The following SLC5A10 variants were observed in gnomAD, a reference collection of about 807,000 sequenced individuals.
SLC5A10 encodes the protein sodium/mannose cotransporter SLC5A10.
A neutral mutation model predicts 68.9 loss-of-function variants in SLC5A10; 55 were observed. That is an observed-to-expected ratio of 0.80 (90% CI 0.64 to 1.00). The LOEUF is 1.00. Ranked by LOEUF, SLC5A10 falls within the 50% of genes least tolerant of loss-of-function variation. The probability of loss-of-function intolerance (pLI) is 0.00; values close to 1 mark genes in which losing one functional copy is unlikely to be tolerated. For missense variants in SLC5A10, 732 were observed against 819.3 expected (o/e 0.89, Z 1.30); for synonymous variants, 344 against 344.8 (o/e 1.00, Z 0.02).
At chr17:18,994,453 ACTC>A (rs766205834) in intron 9 of SLC5A10, among the ~76,000 whole-genome samples, 5 of 151,760 alleles carry the variant, frequency 3.3e-5, no homozygotes, top group Non-Finnish European at 7.4e-5. Flanking sequence ...CACAGAGTGA[ACTC>A]CAGAGACCTG....
In SLC5A10 at chr17:19,018,445, CAGTCCG is replaced by C. The variant is rs2044185012; in HGVS notation, c.1242-974_1242-969del. ...ATGTTTCCTCTGAGCTGCTCCAGCC[CAGTCCG>C]AGTGTAGGTAAGAGGCTCATCTGTT... On this transcript the variant is annotated intron_variant, in intron 11 of 14. Coordinates refer to ENST00000395645, the MANE Select transcript of SLC5A10 (RefSeq NM_001042450.4). This position sits in a 1 kb window ranked among gnomAD's most constrained non-coding sequence, Gnocchi z 4.2. The C allele has an allele frequency of 6.6e-6, 1 of 152,258 alleles. No individual in the cohort carries two copies. Among genetic ancestry groups the C allele is most frequent in the African/African-American group, 2.4e-5 (1 of 41,452 alleles). 9.4% of individuals were successfully genotyped at this position (152,258 alleles called of 1,614,324 possible).
intron 5 of SLC5A10, among the ~76,000 whole-genome samples, chr17:18,966,962 C>T (rs190938789): frequency 3.7e-4 from 56 of 152,208 alleles, no homozygotes; most frequent in African/African-American, 1.3e-3. Flanking sequence ...ATCAGGGGCA[C>T]TGAGGTTCAG....
intron 5 of SLC5A10, among the ~76,000 whole-genome samples, chr17:18,967,480 C>T (rs1288006280): frequency 3.3e-5 from 5 of 152,136 alleles, no homozygotes; most frequent in Admixed American, 1.3e-4. Flanking sequence ...TCTGGTGAGC[C>T]GGTGAGCAAA....
In SLC5A10 at chr17:19,004,131, G is replaced by A; in HGVS notation, c.983-9279G>A. The A allele has an allele frequency of 4.6e-6, 6 of 1,310,514 alleles. No individual in the cohort carries two copies. In the South Asian group the frequency reaches 7.2e-5, roughly 16 times the overall value. 81.2% of individuals were successfully genotyped at this position (1,310,514 alleles called of 1,614,324 possible). On this transcript the variant is annotated intron_variant, in intron 9 of 14. Transcript: ENST00000395645. This position sits in a 1 kb window ranked among gnomAD's most constrained non-coding sequence, Gnocchi z 5.4. The stretch of plus-strand genomic sequence containing the variant: ...CCAGCTGGGGCACCGCGCGCTCGGG[G>A]GCCTCTCCGCGGCCTCTGCTTCTCT...
intron 9 of SLC5A10, among the ~76,000 whole-genome samples, chr17:19,008,926 C>T (rs1234381640): frequency 4.0e-5 from 6 of 151,866 alleles, no homozygotes; most frequent in Non-Finnish European, 8.8e-5. Context: ...ATTCTCGTGC[C>T]GTAGCCTCCC....
intron 4 of SLC5A10, among the ~76,000 whole-genome samples, chr17:18,960,198 C>T (rs886411447): frequency 6.6e-6 from 1 of 152,216 alleles, no homozygotes; most frequent in African/African-American, 2.4e-5. Context: ...AGCCACCTCC[C>T]TCATCCAGCC....
chr17:18,971,604 G>A lies in SLC5A10; in HGVS notation c.846+386G>A. ...ACCTGACCTCCCTTGGCCTGCCAGT[G>A]GTGGGGGCCAGCCATGGCTGGGCCA... On this transcript the variant is annotated intron_variant, in intron 8 of 14. Coordinates refer to ENST00000395645, the MANE Select transcript of SLC5A10 (RefSeq NM_001042450.4). This position sits in a 1 kb window ranked among gnomAD's most constrained non-coding sequence, Gnocchi z 5.5. 6.2e-7 allele frequency: 1 copy of A among 1,613,622 alleles called. No individual in the cohort carries two copies. The highest frequency in any genetic ancestry group is 8.5e-7 in the Non-Finnish European group (1 of 1,180,018).
At chr17:18,979,315 A>T (rs1420049573) in intron 9 of SLC5A10, 1 of 580,034 alleles carries the variant, frequency 1.7e-6, no homozygotes, top group Non-Finnish European at 3.0e-6. Context: ...GCCTGGCCAC[A>T]CCCCACCTCC....
At position 18,976,997 on chromosome 17, in the gene SLC5A10, G is replaced by A. The variant is rs746598709; in HGVS notation, c.982+8G>A. The A allele has an allele frequency of 2.9e-5, 47 of 1,610,982 alleles. No individual in the cohort carries two copies. The highest frequency in any genetic ancestry group is 3.3e-5 in the Non-Finnish European group (39 of 1,179,876). ...GCCGCGCATTGTTCCCAGGTAGGAC[G>A]GGCTCCGGGCACTGAACCCAGGCTG... On this transcript the variant is annotated splice_region_variant and intron_variant, in intron 9 of 14. Coordinates refer to ENST00000395645, the MANE Select transcript of SLC5A10 (RefSeq NM_001042450.4).
At chr17:18,957,091 G>A (rs556697010) in intron 1 of SLC5A10, among the ~76,000 whole-genome samples, 1 of 152,172 alleles carries the variant, frequency 6.6e-6, no homozygotes, top group Non-Finnish European at 1.5e-5. Context: ...GAAGGTTGCC[G>A]TGAGCCAAGA....
chr17:18,977,192 C>A, intron 9 of SLC5A10: 1 of 685,798 alleles, frequency 1.5e-6, no homozygotes, highest in Non-Finnish European at 2.4e-6. Context: ...ACAGGTATCA[C>A]TTACTGCTGT....
rs554311058 is a variant in SLC5A10 at position 19,015,092 on chromosome 17, G to A, written c.1134G>A (p.Met378Ile). 2 of 1,613,680 alleles carry A rather than the reference G, an allele frequency of 1.2e-6. No homozygotes were observed. The highest frequency in any genetic ancestry group is 2.7e-5 in the African/African-American group (2 of 74,992). ...LMIAVMLAAL[M>I]SSLTSIFNSS... ...TCGCAGTGATGCTGGCGGCGCTCAT[G>A]TCGTCGCTGACCTCCATCTTCAACA... Residue 378 changes from methionine to isoleucine, a missense_variant, in exon 11 of 15, where the codon ATG becomes ATA. Physicochemically the swap from Met to Ile is conservative, Grantham distance 10. Transcript: ENST00000395645.
intron 1 of SLC5A10, 122 bp downstream of exon 1, chr17:18,952,438 C>T: frequency 6.6e-6 from 8 of 1,217,102 alleles, no homozygotes; most frequent in South Asian, 1.5e-5. Flanking sequence ...CCTAGTGATC[C>T]TTGTGGTCCT....
intron 5 of SLC5A10, among the ~76,000 whole-genome samples, chr17:18,966,838 C>G (rs1296102717): frequency 6.6e-6 from 1 of 151,906 alleles, no homozygotes; most frequent in Non-Finnish European, 1.5e-5. Flanking sequence ...TCAGACAGTC[C>G]CACGGAGCAT....
chr17:19,017,561 T>C lies in SLC5A10; in HGVS notation c.1242-1862T>C. 1.5e-6 allele frequency: 1 copy of C among 650,258 alleles called. No homozygotes were observed. The highest frequency in any genetic ancestry group is 2.6e-6 in the Non-Finnish European group (1 of 380,026). The allele number at this position is 650,258 out of a possible 1,614,324, so 40.3% of individuals were successfully genotyped here. A position where few individuals can be genotyped will look rare whatever the true frequency, so the allele number is the denominator to read the frequency against. On this transcript the variant is annotated intron_variant, in intron 11 of 14. Coordinates refer to ENST00000395645, the MANE Select transcript of SLC5A10 (RefSeq NM_001042450.4). This position sits in a 1 kb window ranked among gnomAD's most constrained non-coding sequence, Gnocchi z 5.6. ...AGCTGAGCAGAGGCTGGAGGAGCCGTCACAGGCTGGGGGAGAGCGATGACC... is the reference window on the plus strand; with the variant it reads ...AGCTGAGCAGAGGCTGGAGGAGCCGCCACAGGCTGGGGGAGAGCGATGACC...
In SLC5A10 at chr17:18,958,356, A is replaced by G. The variant is rs566797301; in HGVS notation, c.112-326A>G. On this transcript the variant is annotated intron_variant, in intron 1 of 14. Coordinates refer to ENST00000395645, the MANE Select transcript of SLC5A10 (RefSeq NM_001042450.4). ...ATTACAGGCATGAGCTACTGCACCC[A>G]ATAGAACTTCATTCCTTTTGAAGAC... 1.7e-4 allele frequency among the ~76,000 whole-genome samples: 26 copies of G among 152,352 alleles called. No homozygotes were observed. In the South Asian group the frequency reaches 5.4e-3, roughly 32 times the overall value.
upstream of SLC5A10, chr17:18,951,529 T>C (rs377148699): frequency 6.6e-6 from 1 of 152,542 alleles, no homozygotes; most frequent in East Asian, 1.9e-4. Flanking sequence ...CCCTCTGTGG[T>C]CCCAGGCAGA....
At chr17:18,974,118 C>T (rs548227335) in intron 8 of SLC5A10, among the ~76,000 whole-genome samples, 9 of 152,238 alleles carry the variant, frequency 5.9e-5, no homozygotes, top group Non-Finnish European at 4.4e-5. Flanking sequence ...GTCTCGAACT[C>T]CTGACCTCGT....
chr17:18,973,322 G>A (rs2152004020), intron 8 of SLC5A10, among the ~76,000 whole-genome samples: 1 of 152,314 alleles, frequency 6.6e-6, no homozygotes, highest in Admixed American at 6.5e-5. Context: ...GGTCAGGGTT[G>A]GGCAGGCCCC....
Sources: gnomAD v4.1 joint callset for allele counts (sites outside exome capture counted in the v4.1 genomes callset) on GRCh38, gnomAD v4.1.1 for gene constraint, Gnocchi (gnomAD v3.1) non-coding constraint, MANE v1.5 for transcripts, NCBI Gene and HGNC (gene_info 2026-07-23, HGNC 2026-07-21) for gene names.